The following PAFAH2 variants were observed in gnomAD, a reference collection of about 807,000 sequenced individuals.
The protein encoded by PAFAH2 is platelet-activating factor acetylhydrolase 2, cytoplasmic.
PAFAH2 carries 42 observed loss-of-function variants against 49.0 expected under a neutral mutation model. That is an observed-to-expected ratio of 0.86 (90% CI 0.67 to 1.11). PAFAH2 has a LOEUF of 1.11. PAFAH2 is among the 50% of genes least tolerant of loss of function. The pLI is 0.00. For missense variants in PAFAH2, 503 were observed against 501.8 expected, an observed-to-expected ratio of 1.00 and a Z score of -0.02; for synonymous variants, 184 against 181.3, an observed-to-expected ratio of 1.01 and a Z score of -0.12.
chr1:25,985,884 C>T (rs921330765), intron 4 of PAFAH2, among the ~76,000 whole-genome samples: 1 of 152,222 alleles, frequency 6.6e-6, no homozygotes, highest in Non-Finnish European at 1.5e-5. Context: ...CCACCTTCCT[C>T]TCATGCCAAG....
chr1:25,986,077 G>C (rs1557527408), intron 4 of PAFAH2, among the ~76,000 whole-genome samples: 1 of 152,202 alleles, frequency 6.6e-6, no homozygotes, highest in Non-Finnish European at 1.5e-5. Context: ...TTACAATCTA[G>C]TGAAGAAGAC....
chr1:25,983,481 C>T (rs1385038120), intron 6 of PAFAH2, among the ~76,000 whole-genome samples: 2 of 151,036 alleles, frequency 1.3e-5, no homozygotes, highest in African/African-American at 4.9e-5. Context: ...CTCTTGAGCC[C>T]AGAAGATTGA....
At chr1:25,983,911 C>T in intron 6 of PAFAH2, 35 bp downstream of exon 6, 2 of 1,611,080 alleles carry the variant, frequency 1.2e-6, no homozygotes, top group Non-Finnish European at 8.5e-7. Flanking sequence ...AGAACAGGCT[C>T]ATTAACTCTC....
chr1:25,972,661 C>G lies in PAFAH2; in HGVS notation c.981G>C (p.Leu327Phe). Residue 327 changes from leucine (L) to phenylalanine (F), a missense_variant, in exon 10 of 11, where the codon TTG (leucine) becomes TTC (phenylalanine). Leu to Phe is a conservative substitution (Grantham distance 22). Transcript: ENST00000374282. Reference sequence around the variant, plus strand: ...TTTCAGTGGAGAAGAATTTACCAATCAAGTTGCCAGTCACAAAAGCAAAGT... The same window carrying G: ...TTTCAGTGGAGAAGAATTTACCAATGAAGTTGCCAGTCACAAAAGCAAAGT... ...QTDFAFVTGN[L>F]IGKFFSTETR... The G allele has an allele frequency of 6.2e-7, 1 of 1,613,958 alleles. No individual in the cohort carries two copies. The highest frequency in any genetic ancestry group is 8.5e-7 in the Non-Finnish European group (1 of 1,179,864).
At chr1:25,984,795 C>A (rs1217743547) in intron 4 of PAFAH2, among the ~76,000 whole-genome samples, 1 of 151,932 alleles carries the variant, frequency 6.6e-6, no homozygotes, top group Non-Finnish European at 1.5e-5. Flanking sequence ...TCACCTTCTC[C>A]CACTTTTCTA....
chr1:25,990,582 C>G (rs1384023197), intron 2 of PAFAH2, 145 bp downstream of exon 2: 1 of 611,188 alleles, frequency 1.6e-6, no homozygotes, highest in African/African-American at 1.9e-5. Context: ...CTCAGGAAGA[C>G]AGACCTGGGG....
intron 8 of PAFAH2, 24 bp downstream of exon 8, chr1:25,976,658 C>T (rs368324111): frequency 3.7e-4 from 567 of 1,552,240 alleles, no homozygotes; most frequent in Non-Finnish European, 4.7e-4. Flanking sequence ...GAGCTAAGCA[C>T]AGCAACACTA....
intron 7 of PAFAH2, among the ~76,000 whole-genome samples, chr1:25,980,953 A>T (rs970747637): frequency 2.0e-5 from 3 of 151,986 alleles, no homozygotes; most frequent in Non-Finnish European, 2.9e-5. Context: ...ACATCACTGT[A>T]CCTCAGCCTG....
At chr1:25,992,414 A>G (rs2049888992) in intron 1 of PAFAH2, among the ~76,000 whole-genome samples, 1 of 152,046 alleles carries the variant, frequency 6.6e-6, no homozygotes, top group African/African-American at 2.4e-5. Flanking sequence ...AGGCATGCAC[A>G]CTCCTGACTA....
chr1:25,977,834 GA>G (rs1486638751), intron 7 of PAFAH2, among the ~76,000 whole-genome samples: 3 of 152,050 alleles, frequency 2.0e-5, no homozygotes, highest in Admixed American at 2.0e-4. Flanking sequence ...GTGAAACGGG[GA>G]TGCTCCTTGC....
At position 25,960,655 on chromosome 1, in the gene PAFAH2, G is replaced by A. The variant is rs1374007156; in HGVS notation, c.*1334C>T. 1.3e-5 allele frequency: 2 copies of A among 152,622 alleles called. No homozygotes were observed. The highest frequency in any genetic ancestry group is 4.8e-5 in the African/African-American group (2 of 41,448). 9.5% of individuals were successfully genotyped at this position (152,622 alleles called of 1,614,324 possible). Reference sequence around the variant, plus strand: ...ACTTAAATTTGGGGCAAGGGCCTCAGAGCCAGAAAACAGACAATAAAAGCA... The same window carrying A: ...ACTTAAATTTGGGGCAAGGGCCTCAAAGCCAGAAAACAGACAATAAAAGCA... On this transcript the variant is annotated 3_prime_UTR_variant, in exon 11 of 11. Coordinates refer to ENST00000374282, the MANE Select transcript of PAFAH2 (RefSeq NM_000437.4).
chr1:25,979,678 C>T (rs139185193), intron 7 of PAFAH2, among the ~76,000 whole-genome samples: 2,877 of 152,136 alleles, frequency 0.019, 99 homozygotes, highest in African/African-American at 0.065. Flanking sequence ...TTAGTAGAGA[C>T]GGGATTTCAC....
At position 25,960,157 on chromosome 1, in the gene PAFAH2, C is replaced by T. The variant is rs1009284480; in HGVS notation, c.*1832G>A. ...TAGAGCCCAGGGCTTTAATGATACC[C>T]TTCTTATGCTATGTCTCATGGGAAT... On this transcript the variant is annotated 3_prime_UTR_variant, in exon 11 of 11. Transcript: ENST00000374282. 7.2e-5 allele frequency: 11 copies of T among 152,284 alleles called. No individual in the cohort carries two copies. Among genetic ancestry groups the T allele is most frequent in the African/African-American group, 2.6e-4 (11 of 41,562 alleles). 9.4% of individuals were successfully genotyped at this position (152,284 alleles called of 1,614,324 possible). A position where few individuals can be genotyped will look rare whatever the true frequency, so the allele number is the denominator to read the frequency against.
intron 4 of PAFAH2, 100 bp downstream of exon 4, chr1:25,988,131 G>A: frequency 1.4e-6 from 1 of 738,084 alleles, no homozygotes; most frequent in Non-Finnish European, 2.3e-6. Context: ...ACAGCTAGCA[G>A]ATGGAAATGT....
intron 4 of PAFAH2, among the ~76,000 whole-genome samples, chr1:25,987,139 C>T (rs931061170): frequency 1.3e-5 from 2 of 151,402 alleles, no homozygotes; most frequent in Non-Finnish European, 2.9e-5. Flanking sequence ...GAGGCTGAGG[C>T]AGAAGAATCG....
chr1:25,983,631 A>G (rs1553136833), intron 6 of PAFAH2, among the ~76,000 whole-genome samples: 1 of 152,014 alleles, frequency 6.6e-6, no homozygotes. Flanking sequence ...CCCACCAACC[A>G]AGAGAGAGAC....
At chr1:25,977,218 C>G (rs1194952252) in intron 7 of PAFAH2, among the ~76,000 whole-genome samples, 2 of 150,294 alleles carry the variant, frequency 1.3e-5, no homozygotes, top group African/African-American at 4.9e-5. Context: ...GAGACGGGGT[C>G]TCGATCTCCT....
intron 10 of PAFAH2, among the ~76,000 whole-genome samples, chr1:25,970,916 C>T (rs1186401823): frequency 1.3e-5 from 2 of 150,198 alleles, no homozygotes; most frequent in Non-Finnish European, 3.0e-5. Flanking sequence ...GAAGGGGCAC[C>T]AAAAAACAGC....
intron 10 of PAFAH2, among the ~76,000 whole-genome samples, chr1:25,963,379 A>G (rs554355153): frequency 3.9e-5 from 6 of 152,366 alleles, no homozygotes; most frequent in African/African-American, 1.2e-4. Context: ...AACAATAAAC[A>G]TAATAACTAT....
Sources: gnomAD v4.1 joint callset for allele counts (sites outside exome capture counted in the v4.1 genomes callset) on GRCh38, gnomAD v4.1.1 for gene constraint, MANE v1.5 for transcripts, NCBI Gene and HGNC (gene_info 2026-07-23, HGNC 2026-07-21) for gene names.